TRPV3: variants seen among roughly 807,000 people sequenced by gnomAD.
TRPV3 encodes VRL-3.
In TRPV3, 88 loss-of-function variants were observed where a neutral mutation model predicts 87.1. The ratio of observed to expected loss-of-function variants is 1.01; its 90% CI spans 0.85 to 1.21. The LOEUF (loss-of-function observed/expected upper bound fraction) is 1.21, where lower values mean the gene tolerates loss of function less well. Ranked by LOEUF, TRPV3 falls within the 50% of genes most tolerant of loss-of-function variation. The pLI is 0.00. For missense variants in TRPV3, 1,054 were observed against 1,030.1 expected (o/e 1.02, Z -0.32); for synonymous variants, 438 against 423.3 (o/e 1.03, Z -0.43).
chr17:3,519,912 G>GATTA (rs1169778920), intron 14 of TRPV3, among the ~76,000 whole-genome samples: 3 of 147,088 alleles, frequency 2.0e-5, no homozygotes, highest in Non-Finnish European at 4.5e-5. Flanking sequence ...TTAGATGGAT[G>GATTA]GATGGATGGA....
At chr17:3,533,087 A>G in intron 7 of TRPV3, 150 bp from the exon 8 acceptor site, 1 of 939,668 alleles carries the variant, frequency 1.1e-6, no homozygotes, top group Non-Finnish European at 1.6e-6. Flanking sequence ...TACGGGGAAG[A>G]GTGAAGCTAG....
chr17:3,519,699 TGGATAGATG>T (rs2074222973), intron 14 of TRPV3, among the ~76,000 whole-genome samples: 1 of 112,048 alleles, frequency 8.9e-6, no homozygotes, highest in Non-Finnish European at 2.0e-5. Flanking sequence ...ATTGGATGGA[TGGATAGATG>T]GATGGATGGA....
rs111545309 is a variant in TRPV3, at chr17:3,518,551, C to A, written c.2085+25G>T. The A allele has an allele frequency of 2.7e-5, 41 of 1,539,114 alleles. No homozygotes were observed. The highest frequency in any genetic ancestry group is 3.1e-5 in the Non-Finnish European group (35 of 1,141,058). Reference sequence around the variant, plus strand: ...GAACTGAGTCCCGTGGAGGCCCCCACGCTGGGGTCTCCACCTAGGCTCACC... The same window carrying A: ...GAACTGAGTCCCGTGGAGGCCCCCAAGCTGGGGTCTCCACCTAGGCTCACC... On this transcript the variant is annotated intron_variant, in intron 15 of 17. Transcript: ENST00000576742. The surrounding 1 kb of genome is among the most constrained non-coding windows in gnomAD (Gnocchi z 4.3).
chr17:3,550,120 T>C (rs563381412), intron 2 of TRPV3, among the ~76,000 whole-genome samples: 145 of 152,256 alleles, frequency 9.5e-4, no homozygotes, highest in Middle Eastern at 3.4e-3. Context: ...ACAGGACCAA[T>C]AAGCAGATAA....
In TRPV3 at chr17:3,511,361, T is replaced by C. The variant is rs2074111110; in HGVS notation, c.*2556A>G. On this transcript the variant is annotated 3_prime_UTR_variant, in exon 18 of 18. Coordinates refer to ENST00000576742, the MANE Select transcript of TRPV3 (RefSeq NM_145068.4). ...ACTGTGCTTTTTAAAAATAAATAAA[T>C]AATGGCTCAGGGAGACATCTGTGGT... 1 of 152,124 alleles carries C rather than the reference T, an allele frequency of 6.6e-6. No homozygotes were observed. The highest frequency in any genetic ancestry group is 2.4e-5 in the African/African-American group (1 of 41,428). 9.4% of individuals were successfully genotyped at this position (152,124 alleles called of 1,614,324 possible).
chr17:3,520,870 A>C, intron 14 of TRPV3, 103 bp downstream of exon 14: 2 of 606,628 alleles, frequency 3.3e-6, no homozygotes, highest in Non-Finnish European at 2.9e-6. Context: ...CCCCACTGGT[A>C]GTTGGTCTAA....
At chr17:3,519,780 G>A (rs2074226015) in intron 14 of TRPV3, among the ~76,000 whole-genome samples, 1 of 148,154 alleles carries the variant, frequency 6.7e-6, no homozygotes, top group Admixed American at 6.8e-5. Flanking sequence ...ATGGATGGAT[G>A]GATGGATAGC....
chr17:3,546,966 T>C (rs1211030868), intron 2 of TRPV3, among the ~76,000 whole-genome samples: 1 of 54,748 alleles, frequency 1.8e-5, no homozygotes, highest in African/African-American at 1.3e-4. Context: ...GGACTCCTTC[T>C]CAAAAAAAAA....
At chr17:3,532,438 G>C (rs2074356822) in intron 8 of TRPV3, among the ~76,000 whole-genome samples, 1 of 152,260 alleles carries the variant, frequency 6.6e-6, no homozygotes, top group Non-Finnish European at 1.5e-5. Flanking sequence ...AGGGACTGAA[G>C]TCTAGAGAGT....
At chr17:3,543,347 G>T in intron 5 of TRPV3, 127 bp downstream of exon 5, 1 of 1,269,284 alleles carries the variant, frequency 7.9e-7, no homozygotes, top group South Asian at 1.4e-5. Context: ...CAAGTTCAAA[G>T]TCCCTAGCCA....
Position 3,516,459 on chromosome 17 carries a change from C to T in TRPV3, c.2196G>A (p.Leu732=), listed in dbSNP as rs1189080659. The T allele has an allele frequency of 1.9e-6, 3 of 1,613,844 alleles. No homozygotes were observed. The highest frequency in any genetic ancestry group is 2.5e-6 in the Non-Finnish European group (3 of 1,179,864). The part of the protein sequence containing the change: ...KVAEDDFRLC[L]RINEVKWTEW... ...CAGGGCCCTTCTCCCTTTGTTACCGCAAACACAGTCGGAAATCATCCTCGG... is the reference window on the plus strand; with the variant it reads ...CAGGGCCCTTCTCCCTTTGTTACCGTAAACACAGTCGGAAATCATCCTCGG... The change falls in exon 16 of 18, where the codon TTG becomes TTA. Residue 732 remains leucine, a splice_region_variant and synonymous_variant. Coordinates refer to ENST00000576742, the MANE Select transcript of TRPV3 (RefSeq NM_145068.4).
chr17:3,517,677 C>T (rs1444352471), intron 15 of TRPV3, among the ~76,000 whole-genome samples: 1 of 148,988 alleles, frequency 6.7e-6, no homozygotes, highest in East Asian at 2.0e-4. Context: ...CCATGTGTGA[C>T]ATCAAAGCTT....
rs544382236 is a variant in TRPV3 at position 3,510,798 on chromosome 17, C to T, written c.*3119G>A. On this transcript the variant is annotated 3_prime_UTR_variant, in exon 18 of 18. Coordinates refer to ENST00000576742, the MANE Select transcript of TRPV3 (RefSeq NM_145068.4). ...CCATCTACCTGGGCCCTGCCCAGAG[C>T]GAAAGGTCACAGGTCACCAGGCCTT... is the stretch of plus-strand genomic sequence containing the variant. 1.3e-5 allele frequency: 2 copies of T among 152,338 alleles called. No homozygotes were observed. Among genetic ancestry groups the T allele is most frequent in the East Asian group, 1.9e-4 (1 of 5,176 alleles). The allele number at this position is 152,338 out of a possible 1,614,324, so 9.4% of individuals were successfully genotyped here.
chr17:3,534,217 G>C (rs1056337375), intron 7 of TRPV3, among the ~76,000 whole-genome samples: 2 of 151,964 alleles, frequency 1.3e-5, no homozygotes, highest in Non-Finnish European at 2.9e-5. Context: ...GACACGCAGG[G>C]CTGCCCAGAG....
chr17:3,512,281 C>T lies in TRPV3; in HGVS notation c.*1636G>A, dbSNP rs1188213051. On this transcript the variant is annotated 3_prime_UTR_variant, in exon 18 of 18. Coordinates refer to ENST00000576742, the MANE Select transcript of TRPV3 (RefSeq NM_145068.4). The stretch of plus-strand genomic sequence containing the variant: ...GTGGCTTAGAGCACGCGATTACTCC[C>T]TGGGTCAGCTGGGAGGGCAGGGGCT... 4 of 151,658 alleles carry T rather than the reference C, an allele frequency of 2.6e-5. No homozygotes were observed. Among genetic ancestry groups the T allele is most frequent in the African/African-American group, 4.8e-5 (2 of 41,240 alleles). The allele number at this position is 151,658 out of a possible 1,614,324, so 9.4% of individuals were successfully genotyped here.
At chr17:3,535,192 CTCTCCCTCCTCCT>C (rs1256249839) in intron 7 of TRPV3, among the ~76,000 whole-genome samples, 1 of 134,546 alleles carries the variant, frequency 7.4e-6, no homozygotes, top group Non-Finnish European at 1.6e-5. Context: ...CCCTTCCTCC[CTCTCCCTCCTCCT>C]TCTCCCTTCT....
intron 6 of TRPV3, among the ~76,000 whole-genome samples, chr17:3,538,185 C>G (rs529539427): frequency 6.8e-6 from 1 of 146,052 alleles, no homozygotes; most frequent in Non-Finnish European, 1.5e-5. Flanking sequence ...AGCAAGACCC[C>G]GTCTCAAAAA....
chr17:3,530,173 TG>T lies in TRPV3; in HGVS notation c.1095del (p.Lys366ArgfsTer55). On this transcript the variant is annotated frameshift_variant, in exon 9 of 18. Transcript: ENST00000576742. LOFTEE classifies it high-confidence loss of function. The surrounding 1 kb of genome is among the most constrained non-coding windows in gnomAD (Gnocchi z 4.0). ...GACAGGCTCCGGAGCCGCTTCTCCT[TG>T]ATCTCACGACTGAGGATGTACTTCA... is the stretch of plus-strand genomic sequence containing the variant. ...EILKYILSRE[I>X]KEKRLRSLSR... The T allele has an allele frequency of 3.1e-6, 5 of 1,613,702 alleles. No individual in the cohort carries two copies. The highest frequency in any genetic ancestry group is 4.2e-6 in the Non-Finnish European group (5 of 1,179,792).
intron 12 of TRPV3, among the ~76,000 whole-genome samples, chr17:3,525,216 C>T (rs1292124738): frequency 2.0e-5 from 3 of 152,184 alleles, no homozygotes; most frequent in East Asian, 1.9e-4. Flanking sequence ...GATGGGGTTT[C>T]ACCATGTTGG....
Sources: gnomAD v4.1 joint callset for allele counts (sites outside exome capture counted in the v4.1 genomes callset) on GRCh38, gnomAD v4.1.1 for gene constraint, Gnocchi (gnomAD v3.1) non-coding constraint, MANE v1.5 for transcripts, NCBI Gene and HGNC (gene_info 2026-07-23, HGNC 2026-07-21) for gene names.